The following ST7 variants were observed in gnomAD, a reference collection of about 807,000 sequenced individuals.
ST7 encodes the protein suppression of tumorigenicity 7.
A neutral mutation model predicts 78.7 loss-of-function variants in ST7; 28 were observed. The observed-to-expected ratio is 0.36, with a 90% CI of 0.26 to 0.49. ST7 has a LOEUF of 0.49. Among genes scored for constraint, ST7 ranks in the 20% least tolerant of loss-of-function variants. The pLI is 0.99. For missense variants in ST7, 418 were observed against 696.0 expected, an observed-to-expected ratio of 0.60 and a Z score of 4.49; for synonymous variants, 247 against 249.6, an observed-to-expected ratio of 0.99 and a Z score of 0.10.
intron 1 of ST7, among the ~76,000 whole-genome samples, chr7:117,004,746 T>C (rs1448828078): frequency 1.3e-5 from 2 of 152,226 alleles, no homozygotes; most frequent in Non-Finnish European, 2.9e-5. Context: ...TGTAATACTT[T>C]AGAGGTAAAT....
At chr7:117,213,448 T>C (rs1362446481) in intron 13 of ST7, among the ~76,000 whole-genome samples, 2 of 151,948 alleles carry the variant, frequency 1.3e-5, no homozygotes, top group African/African-American at 4.8e-5. Context: ...TCTCTGGGAG[T>C]AGGGGTGGAG....
chr7:117,152,118 C>CAA (rs199819599), intron 9 of ST7, among the ~76,000 whole-genome samples: 16,121 of 119,610 alleles, frequency 0.13, 1,959 homozygotes, highest in African/African-American at 0.32. Context: ...GACACCATCT[C>CAA]AAAAAAAAAT....
chr7:117,009,180 T>C (rs1795274187), intron 1 of ST7, among the ~76,000 whole-genome samples: 1 of 152,024 alleles, frequency 6.6e-6, no homozygotes, highest in Non-Finnish European at 1.5e-5. Flanking sequence ...AAATTTGTGA[T>C]CTTCTTTGCT....
intron 4 of ST7, 69 bp from the exon 5 acceptor site, chr7:117,130,422 A>C: frequency 8.8e-7 from 1 of 1,135,750 alleles, no homozygotes; most frequent in Non-Finnish European, 1.3e-6. Flanking sequence ...ACGCCTCTGC[A>C]GCTTAATATT....
At chr7:117,133,233 A>G (rs1269315379) in intron 6 of ST7, among the ~76,000 whole-genome samples, 1 of 151,780 alleles carries the variant, frequency 6.6e-6, no homozygotes, top group Non-Finnish European at 1.5e-5. Flanking sequence ...AATTTATGCT[A>G]CATTTATCAT....
chr7:117,093,041 T>A (rs1050925488), intron 1 of ST7, among the ~76,000 whole-genome samples: 1 of 152,184 alleles, frequency 6.6e-6, no homozygotes, highest in Admixed American at 6.5e-5. Flanking sequence ...AATTGATTGT[T>A]CCCACGGTAT....
chr7:116,953,836 C>G (rs1280726840), intron 1 of ST7, 145 bp downstream of exon 1: 8 of 431,446 alleles, frequency 1.9e-5, no homozygotes, highest in Admixed American at 6.5e-5. Flanking sequence ...CCGCCAGCAA[C>G]GCGGCGGCTT....
intron 1 of ST7, among the ~76,000 whole-genome samples, chr7:117,017,724 G>C (rs1355432089): frequency 6.6e-6 from 1 of 151,870 alleles, no homozygotes; most frequent in Admixed American, 6.6e-5. Flanking sequence ...ATTAAACTTT[G>C]TGTTCCTTCT....
intron 2 of ST7, chr7:117,112,782 C>T (rs1802539658): frequency 6.6e-6 from 1 of 152,208 alleles, no homozygotes; most frequent in Admixed American, 6.5e-5. Flanking sequence ...AGCACCTTGT[C>T]TCTTGACTCT....
At chr7:117,003,372 A>G (rs893295701) in intron 1 of ST7, among the ~76,000 whole-genome samples, 2 of 151,934 alleles carry the variant, frequency 1.3e-5, no homozygotes, top group African/African-American at 2.4e-5. Context: ...ATCTTGGCAC[A>G]TTGCAACCTC....
At chr7:117,169,061 A>T (rs1372121339) in intron 9 of ST7, among the ~76,000 whole-genome samples, 1 of 151,388 alleles carries the variant, frequency 6.6e-6, no homozygotes, top group East Asian at 1.9e-4. Context: ...TTAAGATAAG[A>T]TTTTACCTTT....
intron 9 of ST7, among the ~76,000 whole-genome samples, chr7:117,141,615 A>T (rs1405412278): frequency 6.6e-6 from 1 of 152,204 alleles, no homozygotes; most frequent in African/African-American, 2.4e-5. Context: ...ATATTTTGGC[A>T]GTAAGCAGAG....
chr7:117,084,117 T>C (rs778133102), intron 1 of ST7, among the ~76,000 whole-genome samples: 3 of 152,204 alleles, frequency 2.0e-5, no homozygotes, highest in Non-Finnish European at 4.4e-5. Context: ...CAGCAGATTT[T>C]CCAATTCCTA....
chr7:117,112,018 A>G (rs2116887734), intron 2 of ST7, among the ~76,000 whole-genome samples: 1 of 152,300 alleles, frequency 6.6e-6, no homozygotes, highest in East Asian at 1.9e-4. Flanking sequence ...AGGGATCAAT[A>G]CACATTTTAA....
chr7:116,965,272 G>A (rs1289580292), intron 1 of ST7, among the ~76,000 whole-genome samples: 3 of 151,480 alleles, frequency 2.0e-5, no homozygotes, highest in Admixed American at 6.6e-5. Context: ...CCCGGGAGGC[G>A]GAGCTTGCAG....
At chr7:117,104,685 T>A (rs1164578310) in intron 2 of ST7, among the ~76,000 whole-genome samples, 2 of 152,238 alleles carry the variant, frequency 1.3e-5, no homozygotes, top group African/African-American at 4.8e-5. Context: ...ATTGCAGCAC[T>A]GTTCATAATA....
chr7:117,149,536 C>T (rs1194069269), intron 9 of ST7, among the ~76,000 whole-genome samples: 1 of 150,886 alleles, frequency 6.6e-6, no homozygotes, highest in Non-Finnish European at 1.5e-5. Flanking sequence ...TCTCACCCTC[C>T]AATTTTTGCT....
chr7:117,143,272 C>T (rs1805478610), intron 9 of ST7, among the ~76,000 whole-genome samples: 1 of 152,202 alleles, frequency 6.6e-6, no homozygotes, highest in Admixed American at 6.5e-5. Flanking sequence ...CTGAGCCATT[C>T]TCCCTCACTC....
intron 2 of ST7, among the ~76,000 whole-genome samples, chr7:117,105,653 G>C (rs755625509): frequency 6.6e-6 from 1 of 152,186 alleles, no homozygotes; most frequent in Non-Finnish European, 1.5e-5. Flanking sequence ...CAGATAGTTA[G>C]GGTGACTATA....
Sources: allele counts gnomAD v4.1 joint callset (sites outside exome capture counted in the v4.1 genomes callset), GRCh38; gene constraint gnomAD v4.1.1; transcripts MANE v1.5; gene names NCBI Gene and HGNC (gene_info 2026-07-23, HGNC 2026-07-21).